The following ZNF407 variants were observed in gnomAD, a reference collection of about 807,000 sequenced individuals.
ZNF407 encodes zinc finger protein 407.
A neutral mutation model predicts 131.2 loss-of-function variants in ZNF407; 17 were observed. The observed-to-expected ratio is 0.13, with a 90% confidence interval of 0.09 to 0.19. ZNF407 has a LOEUF of 0.19. Ranked by LOEUF, ZNF407 falls within the 10% of genes least tolerant of loss-of-function variation. The pLI, the probability that ZNF407 is intolerant of heterozygous loss-of-function variation, is 1.00. For missense variants in ZNF407, 2,681 were observed against 2,830.6 expected (o/e 0.95, Z 1.20); for synonymous variants, 1,156 against 1,062.0 (o/e 1.09, Z -1.72).
intron 3 of ZNF407, among the ~76,000 whole-genome samples, chr18:74,729,609 G>A (rs1219461011): frequency 6.6e-6 from 1 of 152,092 alleles, no homozygotes; most frequent in Non-Finnish European, 1.5e-5. Context: ...GCTGTGTTCT[G>A]TAGGGTAGAA....
At chr18:74,715,877 C>T (rs1298582897) in intron 3 of ZNF407, among the ~76,000 whole-genome samples, 2 of 152,206 alleles carry the variant, frequency 1.3e-5, no homozygotes, top group Non-Finnish European at 2.9e-5. Flanking sequence ...TCCCTGATTA[C>T]TTTACATTTT....
rs1226350672 is a variant in ZNF407, at chr18:74,631,652, G to A, written c.633G>A (p.Gln211=). 6 of 1,613,944 alleles carry A rather than the reference G, an allele frequency of 3.7e-6. No homozygotes were observed. Among genetic ancestry groups the A allele is most frequent in the Non-Finnish European group, 5.1e-6 (6 of 1,179,896 alleles). The change falls in exon 2 of 9, where the codon CAG becomes CAA. Residue 211 remains glutamine, a synonymous_variant. Transcript: ENST00000299687. ...AACATGCTGAGTCTCACATGCAGCA[G>A]CCTAAGGAACATACCTGTTGTCACT... is the stretch of plus-strand genomic sequence containing the variant. ...LEKHAESHMQ[Q]PKEHTCCHCS... is the part of the protein sequence containing the mutation.
At chr18:74,754,780 A>G (rs546556596) in intron 3 of ZNF407, among the ~76,000 whole-genome samples, 2 of 152,266 alleles carry the variant, frequency 1.3e-5, no homozygotes, top group South Asian at 2.1e-4. Context: ...TATGTGGTCA[A>G]TTTTGGAATA....
rs541208450 is a variant in ZNF407 at position 74,780,508 on chromosome 18, T to A, written c.4803-920T>A. Among the ~76,000 whole-genome samples, 7 of 152,318 alleles carry A rather than the reference T, an allele frequency of 4.6e-5. 1 individual carries two copies. Among genetic ancestry groups the A allele is most frequent in the African/African-American group, 1.7e-4 (7 of 41,586 alleles). On this transcript the variant is annotated intron_variant, in intron 3 of 8. Coordinates refer to ENST00000299687, the MANE Select transcript of ZNF407 (RefSeq NM_017757.3). ...AATTAAAATCATATTTTTGCATATG[T>A]CATGTCTTTCATGTACATATGCAAA...
At chr18:74,978,090 C>T (rs1243367557) in intron 8 of ZNF407, among the ~76,000 whole-genome samples, 1 of 152,106 alleles carries the variant, frequency 6.6e-6, no homozygotes, top group South Asian at 2.1e-4. Flanking sequence ...GGTTGTTTAA[C>T]GTGGAGTCCT....
chr18:74,791,613 G>A (rs1969827328), intron 4 of ZNF407, among the ~76,000 whole-genome samples: 1 of 152,094 alleles, frequency 6.6e-6, no homozygotes, highest in Non-Finnish European at 1.5e-5. Flanking sequence ...TGTCTTCTAG[G>A]CCAGGGTCAG....
At chr18:74,853,988 A>G (rs1055737925) in intron 4 of ZNF407, among the ~76,000 whole-genome samples, 6 of 152,186 alleles carry the variant, frequency 3.9e-5, no homozygotes, top group African/African-American at 1.2e-4. Context: ...GGCAGAATTT[A>G]TTGATCATTT....
intron 1 of ZNF407, among the ~76,000 whole-genome samples, chr18:74,623,322 A>G (rs1031801884): frequency 9.4e-6 from 1 of 105,860 alleles, no homozygotes; most frequent in African/African-American, 2.9e-5. Flanking sequence ...GGGTAAGTGC[A>G]TGTGTGAAAC....
chr18:74,615,542 A>G (rs1185866473), intron 1 of ZNF407, among the ~76,000 whole-genome samples: 2 of 152,226 alleles, frequency 1.3e-5, no homozygotes, highest in Non-Finnish European at 2.9e-5. Flanking sequence ...TTTAAAGTTA[A>G]CATATTCTAG....
Position 74,641,125 on chromosome 18 carries a change from G to A in ZNF407, c.4802+3G>A. On this transcript the variant is annotated splice_donor_region_variant and intron_variant, in intron 3 of 8. Transcript: ENST00000299687. The stretch of plus-strand genomic sequence containing the variant: ...GAATACAAGTGTCATGTCTGTGGGT[G>A]AGTAAATTGAAGCCATCTCTGCTGC... 6.2e-7 allele frequency: 1 copy of A among 1,608,850 alleles called. No individual in the cohort carries two copies. Among genetic ancestry groups the A allele is most frequent in the Non-Finnish European group, 8.5e-7 (1 of 1,175,396 alleles).
intron 6 of ZNF407, among the ~76,000 whole-genome samples, chr18:74,885,131 C>T (rs940435944): frequency 7.9e-5 from 12 of 152,082 alleles, no homozygotes; most frequent in African/African-American, 1.4e-4. Context: ...AAGATTTATA[C>T]TACCTACCTA....
At chr18:74,665,050 G>A (rs2144739020) in intron 3 of ZNF407, among the ~76,000 whole-genome samples, 1 of 152,312 alleles carries the variant, frequency 6.6e-6, no homozygotes, top group Non-Finnish European at 1.5e-5. Flanking sequence ...ATTGTTCAAG[G>A]AGTAAATCAT....
At chr18:74,716,608 T>G (rs1204318548) in intron 3 of ZNF407, among the ~76,000 whole-genome samples, 1 of 152,140 alleles carries the variant, frequency 6.6e-6, no homozygotes, top group African/African-American at 2.4e-5. Flanking sequence ...AAATAACTTT[T>G]GGACCCTACC....
intron 8 of ZNF407, among the ~76,000 whole-genome samples, chr18:74,942,334 C>A (rs1421920214): frequency 1.3e-5 from 2 of 152,052 alleles, no homozygotes; most frequent in African/African-American, 4.8e-5. Flanking sequence ...GATGATCTGG[C>A]AAGATTTTAT....
intron 8 of ZNF407, among the ~76,000 whole-genome samples, chr18:74,924,196 C>T (rs2145246719): frequency 6.6e-6 from 1 of 152,286 alleles, no homozygotes; most frequent in Non-Finnish European, 1.5e-5. Context: ...TTGTAGGCAC[C>T]AGTCACTGAA....
chr18:74,681,878 A>C (rs1371330000), intron 3 of ZNF407, among the ~76,000 whole-genome samples: 1 of 152,198 alleles, frequency 6.6e-6, no homozygotes, highest in African/African-American at 2.4e-5. Flanking sequence ...CTCCAGAATC[A>C]TACCACTAGC....
At chr18:74,788,910 T>C (rs899010105) in intron 4 of ZNF407, among the ~76,000 whole-genome samples, 15 of 151,752 alleles carry the variant, frequency 9.9e-5, no homozygotes, top group Non-Finnish European at 2.1e-4. Context: ...ATTTATAATA[T>C]GTGACAAATA....
At chr18:75,036,226 G>A (rs1421752532) in intron 8 of ZNF407, among the ~76,000 whole-genome samples, 1 of 152,116 alleles carries the variant, frequency 6.6e-6, no homozygotes, top group Admixed American at 6.5e-5. Context: ...CTTTGCAGAT[G>A]TATTGCAGTA....
At chr18:74,983,474 T>G (rs1256879912) in intron 8 of ZNF407, among the ~76,000 whole-genome samples, 2 of 147,166 alleles carry the variant, frequency 1.4e-5, no homozygotes, top group Non-Finnish European at 3.0e-5. Context: ...TCTGTGAGTT[T>G]TTTTCTGTTT....
Sources: gnomAD v4.1 joint callset for allele counts (sites outside exome capture counted in the v4.1 genomes callset) on GRCh38, gnomAD v4.1.1 for gene constraint, MANE v1.5 for transcripts, NCBI Gene and HGNC (gene_info 2026-07-23, HGNC 2026-07-21) for gene names.